The following SPOPL variants were observed in gnomAD, a reference collection of about 807,000 sequenced individuals.
SPOPL encodes speckle-type POZ protein-like.
SPOPL carries 23 observed loss-of-function variants against 53.8 expected under a neutral mutation model. The ratio of observed to expected loss-of-function variants is 0.43; its 90% confidence interval spans 0.31 to 0.61. The LOEUF (loss-of-function observed/expected upper bound fraction) is 0.61, where lower values mean the gene tolerates loss of function less well. Among genes scored for constraint, SPOPL ranks in the 20% least tolerant of loss-of-function variants. SPOPL has a pLI of 0.12. For missense variants in SPOPL, 442 were observed against 466.9 expected (o/e 0.95, Z 0.49); for synonymous variants, 164 against 149.7 (o/e 1.10, Z -0.70).
At chr2:138,526,407 T>C (rs1477235621) in intron 1 of SPOPL, among the ~76,000 whole-genome samples, 1 of 152,140 alleles carries the variant, frequency 6.6e-6, no homozygotes, top group Non-Finnish European at 1.5e-5. Flanking sequence ...AAATGAGACA[T>C]TCGTGTAAAA....
intron 1 of SPOPL, among the ~76,000 whole-genome samples, chr2:138,541,734 C>T (rs749066905): frequency 5.8e-4 from 88 of 152,110 alleles, no homozygotes; most frequent in Non-Finnish European, 1.2e-3. Flanking sequence ...GTCTCTATTT[C>T]CTTCAGTTCT....
chr2:138,506,760 G>A (rs1237591948), intron 1 of SPOPL, among the ~76,000 whole-genome samples: 1 of 152,144 alleles, frequency 6.6e-6, no homozygotes, highest in Admixed American at 6.5e-5. Flanking sequence ...TGGATGTATA[G>A]GTCTGGAGCT....
rs1405014396 is a variant in SPOPL at position 138,569,132 on chromosome 2, C to T, written c.*52C>T. 6.3e-7 allele frequency: 1 copy of T among 1,581,848 alleles called. No individual in the cohort carries two copies. Among genetic ancestry groups the T allele is most frequent in the South Asian group, 1.1e-5 (1 of 88,272 alleles). ...GAATTGACTTTCACTCCTCCAGGTCCAGAAGGATTCTAATACACAAACCAT... is the reference window on the plus strand; with the variant it reads ...GAATTGACTTTCACTCCTCCAGGTCTAGAAGGATTCTAATACACAAACCAT... On this transcript the variant is annotated 3_prime_UTR_variant, in exon 11 of 11. Transcript: ENST00000280098.
chr2:138,510,418 TG>T (rs548334190), intron 1 of SPOPL, among the ~76,000 whole-genome samples: 2 of 152,340 alleles, frequency 1.3e-5, no homozygotes, highest in African/African-American at 2.4e-5. Flanking sequence ...AGTCTATAGA[TG>T]TCCATTATGT....
intron 1 of SPOPL, among the ~76,000 whole-genome samples, chr2:138,543,037 T>C (rs1685109099): frequency 6.6e-6 from 1 of 152,248 alleles, no homozygotes. Flanking sequence ...TGAAAATTCT[T>C]TTCTTTAATA....
chr2:138,560,035 G>T lies in SPOPL; in HGVS notation c.714+698G>T, dbSNP rs560289865. 2.0e-5 allele frequency among the ~76,000 whole-genome samples: 3 copies of T among 152,264 alleles called. No individual in the cohort carries two copies. The South Asian group carries it at 6.2e-4, about 32-fold the overall frequency. ...CACTTCCAAGTTGGGAGACATCAAT[G>T]ATGTCATATACTATTGACATCAAGG... On this transcript the variant is annotated intron_variant, in intron 7 of 10. Transcript: ENST00000280098.
At chr2:138,539,810 A>G (rs1051494224) in intron 1 of SPOPL, among the ~76,000 whole-genome samples, 23 of 152,242 alleles carry the variant, frequency 1.5e-4, no homozygotes, top group Admixed American at 1.4e-3. Flanking sequence ...TGTTTTAGAC[A>G]TAAAGTCCTT....
At chr2:138,552,512 T>TGGA (rs776538197) in intron 4 of SPOPL, 42 bp from the exon 5 acceptor site, 9 of 1,576,170 alleles carry the variant, frequency 5.7e-6, no homozygotes, top group Admixed American at 2.0e-5. Context: ...AAAAGTCTCT[T>TGGA]GGATATTTAT....
intron 10 of SPOPL, among the ~76,000 whole-genome samples, chr2:138,567,340 C>A (rs547725905): frequency 2.0e-5 from 3 of 148,436 alleles, no homozygotes; most frequent in African/African-American, 7.5e-5. Flanking sequence ...AAATGAGATG[C>A]GCAAAGTTTT....
chr2:138,543,490 T>C (rs1343157390), intron 1 of SPOPL, among the ~76,000 whole-genome samples: 1 of 152,222 alleles, frequency 6.6e-6, no homozygotes, highest in Non-Finnish European at 1.5e-5. Flanking sequence ...TCATTTCATC[T>C]TCCATCACTG....
chr2:138,511,279 C>G (rs879291659), intron 1 of SPOPL, among the ~76,000 whole-genome samples: 1 of 152,092 alleles, frequency 6.6e-6, no homozygotes, highest in African/African-American at 2.4e-5. Flanking sequence ...TCCCTACCCC[C>G]AAGTGTTTTA....
Position 138,558,232 on chromosome 2 carries a change from A to G in SPOPL, c.481-790A>G, listed in dbSNP as rs377548593. 5.3e-5 allele frequency among the ~76,000 whole-genome samples: 8 copies of G among 152,322 alleles called. No homozygotes were observed. The East Asian group carries it at 1.2e-3, about 22-fold the overall frequency. ...AGACTTAATAGTGTTTTAGGATATTATTCAGTATGTGGTCATCTTTTATGG... is the reference window on the plus strand; with the variant it reads ...AGACTTAATAGTGTTTTAGGATATTGTTCAGTATGTGGTCATCTTTTATGG... On this transcript the variant is annotated intron_variant, in intron 5 of 10. Coordinates refer to ENST00000280098, the MANE Select transcript of SPOPL (RefSeq NM_001001664.3).
chr2:138,550,299 A>G lies in SPOPL; in HGVS notation c.78+5A>G. On this transcript the variant is annotated splice_donor_5th_base_variant and intron_variant, in intron 2 of 10. Coordinates refer to ENST00000280098, the MANE Select transcript of SPOPL (RefSeq NM_001001664.3). The stretch of plus-strand genomic sequence containing the variant: ...GAAAGCTGGTGTTACACACAGGTAC[A>G]TGCTCTTAAAAATCCCTCACTTTAT... 2 of 1,613,558 alleles carry G rather than the reference A, an allele frequency of 1.2e-6. No homozygotes were observed. The highest frequency in any genetic ancestry group is 1.7e-6 in the Non-Finnish European group (2 of 1,179,596).
chr2:138,541,278 C>G (rs1355456111), intron 1 of SPOPL, among the ~76,000 whole-genome samples: 1 of 152,104 alleles, frequency 6.6e-6, no homozygotes, highest in Non-Finnish European at 1.5e-5. Context: ...AGGGAGGATT[C>G]CCTCTTTTTC....
intron 1 of SPOPL, among the ~76,000 whole-genome samples, chr2:138,510,299 G>C (rs931659167): frequency 6.6e-6 from 1 of 152,222 alleles, no homozygotes. Flanking sequence ...CCACCCAACT[G>C]TCTTTCAAAG....
chr2:138,559,610 A>G lies in SPOPL; in HGVS notation c.714+273A>G, dbSNP rs139148632. Among the ~76,000 whole-genome samples the G allele has an allele frequency of 4.0e-3, 602 of 152,322 alleles. 3 individuals carry two copies. The highest frequency in any genetic ancestry group is 6.8e-3 in the Middle Eastern group (2 of 294). On this transcript the variant is annotated intron_variant, in intron 7 of 10. Coordinates refer to ENST00000280098, the MANE Select transcript of SPOPL (RefSeq NM_001001664.3). ...CAAAAGGATAGTTATCCAAAGGACT[A>G]TTCTGGTCCATAGCTATTTGAGAAG...
intron 1 of SPOPL, among the ~76,000 whole-genome samples, chr2:138,518,358 T>C (rs1684489899): frequency 6.6e-6 from 1 of 152,150 alleles, no homozygotes; most frequent in African/African-American, 2.4e-5. Flanking sequence ...GCAATAACTG[T>C]GCAGGAACTA....
Position 138,570,291 on chromosome 2 carries a change from C to T in SPOPL, c.*1211C>T, listed in dbSNP as rs1171356931. The T allele has an allele frequency of 6.6e-6, 1 of 152,154 alleles. No homozygotes were observed. Among genetic ancestry groups the T allele is most frequent in the Admixed American group, 6.6e-5 (1 of 15,258 alleles). The allele number at this position is 152,154 out of a possible 1,614,324, so 9.4% of individuals were successfully genotyped here. On this transcript the variant is annotated 3_prime_UTR_variant, in exon 11 of 11. Transcript: ENST00000280098. Reference sequence around the variant, plus strand: ...CACACTAGGAACCTCCCCTCACTCCCCGTTTTTCTTCATTGTGTTTCAGTT... The same window carrying T: ...CACACTAGGAACCTCCCCTCACTCCTCGTTTTTCTTCATTGTGTTTCAGTT...
In SPOPL at chr2:138,564,760, T is replaced by A; in HGVS notation, c.890T>A (p.Leu297His). 6.2e-7 allele frequency: 1 copy of A among 1,614,170 alleles called. No homozygotes were observed. ...TGCGAAGAAGCTTTGTGTAGTAACC[T>A]CTCAGTAGAGAATGTTGCAGATACC... The part of the protein sequence containing the change: ...VMCEEALCSN[L>H]SVENVADTLV... Residue 297 changes from leucine to histidine, a missense_variant, in exon 9 of 11, where the codon CTC becomes CAC. By Grantham distance (99) the Leu-to-His change is moderately conservative (BLOSUM62 -3). Transcript: ENST00000280098.
Sources: gnomAD v4.1 joint callset for allele counts (sites outside exome capture counted in the v4.1 genomes callset) on GRCh38, gnomAD v4.1.1 for gene constraint, MANE v1.5 for transcripts, NCBI Gene and HGNC (gene_info 2026-07-23, HGNC 2026-07-21) for gene names.